The following VCPKMT variants were observed in gnomAD, a reference collection of about 807,000 sequenced individuals.
VCPKMT encodes protein N-lysine methyltransferase METTL21D.
Under a neutral mutation model 28.6 loss-of-function variants are expected in VCPKMT, and 32 were observed. The observed-to-expected ratio is 1.12, with a 90% CI of 0.84 to 1.50. The LOEUF is 1.50. Ranked by LOEUF, VCPKMT falls within the 40% of genes most tolerant of loss-of-function variation. The pLI is 0.00. For missense variants in VCPKMT, 366 were observed against 285.0 expected, an observed-to-expected ratio of 1.28 and a Z score of -2.05; for synonymous variants, 138 against 111.4, an observed-to-expected ratio of 1.24 and a Z score of -1.50.
In VCPKMT at chr14:50,111,220, A is replaced by C. The variant is rs915305616; in HGVS notation, c.675+1395T>G. On this transcript the variant is annotated intron_variant, in intron 5 of 5. Transcript: ENST00000395860. ...AAAGCCTCTATATTTAGGAAACACA[A>C]AATCTTTCTGCCTCCAAAAAATTCT... The C allele has an allele frequency of 3.3e-5, 33 of 985,242 alleles. No individual in the cohort carries two copies. The East Asian group carries it at 3.4e-3, about 102-fold the overall frequency. 61.0% of individuals were successfully genotyped at this position (985,242 alleles called of 1,614,324 possible). A position where few individuals can be genotyped will look rare whatever the true frequency, so the allele number is the denominator to read the frequency against.
chr14:50,107,497 A>C (rs1882370032), downstream of VCPKMT, among the ~76,000 whole-genome samples: 1 of 152,090 alleles, frequency 6.6e-6, no homozygotes, highest in Non-Finnish European at 1.5e-5. Context: ...TATTTTTAGT[A>C]GAGACAGGGT....
At chr14:50,115,160 T>G (rs1233857541) in intron 3 of VCPKMT, among the ~76,000 whole-genome samples, 2 of 80,070 alleles carry the variant, frequency 2.5e-5, no homozygotes, top group East Asian at 3.0e-4. Context: ...TTTTTTTTTT[T>G]TTTTTTTTTG....
Position 50,109,354 on chromosome 14 carries a change from C to T in VCPKMT, c.*345G>A. On this transcript the variant is annotated 3_prime_UTR_variant, in exon 6 of 6. Coordinates refer to ENST00000395860, the MANE Select transcript of VCPKMT (RefSeq NM_024558.3). ...CTCTTCAGAAATTTATCTCTAGCTTCCTGTAAAAGGTCCAGTCAAATCATG... is the reference window on the plus strand; with the variant it reads ...CTCTTCAGAAATTTATCTCTAGCTTTCTGTAAAAGGTCCAGTCAAATCATG... The T allele has an allele frequency of 3.8e-6, 4 of 1,051,400 alleles. No homozygotes were observed. The highest frequency in any genetic ancestry group is 4.6e-6 in the Non-Finnish European group (4 of 874,078). 65.1% of individuals were successfully genotyped at this position (1,051,400 alleles called of 1,614,324 possible). A position where few individuals can be genotyped will look rare whatever the true frequency, so the allele number is the denominator to read the frequency against.
chr14:50,109,441 T>C lies in VCPKMT; in HGVS notation c.*258A>G. Reference sequence around the variant, plus strand: ...ACCAATTTTTATTTGAATAACTGATTCCCAACATTTAAGAAGAACTTGATG... The same window carrying C: ...ACCAATTTTTATTTGAATAACTGATCCCCAACATTTAAGAAGAACTTGATG... On this transcript the variant is annotated 3_prime_UTR_variant, in exon 6 of 6. Coordinates refer to ENST00000395860, the MANE Select transcript of VCPKMT (RefSeq NM_024558.3). The C allele has an allele frequency of 8.3e-7, 1 of 1,201,406 alleles. No homozygotes were observed. The allele number at this position is 1,201,406 out of a possible 1,614,324, so 74.4% of individuals were successfully genotyped here.
At position 50,109,666 on chromosome 14, in the gene VCPKMT, T is replaced by C; in HGVS notation, c.*33A>G. On this transcript the variant is annotated 3_prime_UTR_variant, in exon 6 of 6. Coordinates refer to ENST00000395860, the MANE Select transcript of VCPKMT (RefSeq NM_024558.3). ...TATTCACATCTTTAGTTTACCCAGG[T>C]TGTTAGAGCCTTGGGTAAGATGATT... 2.5e-6 allele frequency: 4 copies of C among 1,591,934 alleles called. No homozygotes were observed. Among genetic ancestry groups the C allele is most frequent in the Non-Finnish European group, 3.4e-6 (4 of 1,171,092 alleles).
At chr14:50,105,054 C>T (rs891457966), downstream of VCPKMT, among the ~76,000 whole-genome samples, 2 of 151,778 alleles carry the variant, frequency 1.3e-5, no homozygotes, top group African/African-American at 4.8e-5. Flanking sequence ...AATCTAATTT[C>T]GTTCACCTTT....
the VCPKMT span, among the ~76,000 whole-genome samples, chr14:50,103,041 GA>G: frequency 6.6e-6 from 1 of 152,188 alleles, no homozygotes; most frequent in Non-Finnish European, 1.5e-5. Context: ...AACATTATAA[GA>G]TTTTTTTGCA....
intron 5 of VCPKMT, among the ~76,000 whole-genome samples, chr14:50,110,534 G>T (rs1363364687): frequency 6.6e-6 from 1 of 152,176 alleles, no homozygotes; most frequent in South Asian, 2.1e-4. Context: ...AGTGAGATGG[G>T]TATAATTAAC....
intron 3 of VCPKMT, among the ~76,000 whole-genome samples, chr14:50,115,442 C>T (rs1159933163): frequency 1.3e-5 from 2 of 152,092 alleles, no homozygotes; most frequent in Non-Finnish European, 2.9e-5. Context: ...TGAGCCACCG[C>T]GCCCGGCCCA....
At chr14:50,111,442 C>T (rs1039797959) in intron 5 of VCPKMT, 11 of 985,298 alleles carry the variant, frequency 1.1e-5, no homozygotes, top group African/African-American at 8.7e-5. Context: ...TTCATATAAT[C>T]AGAAAACTTT....
At chr14:50,108,191 CAAAAAAAAA>C (rs11455635), downstream of VCPKMT, among the ~76,000 whole-genome samples, 2 of 107,088 alleles carry the variant, frequency 1.9e-5, no homozygotes, top group East Asian at 5.3e-4. Flanking sequence ...AACCCTGTCT[CAAAAAAAAA>C]AAAAAAAAAA....
downstream of VCPKMT, among the ~76,000 whole-genome samples, chr14:50,104,120 C>G (rs1882243473): frequency 3.3e-5 from 5 of 152,222 alleles, no homozygotes; most frequent in South Asian, 8.3e-4. Context: ...AATCTGGTCT[C>G]AGAGCCTCTG....
chr14:50,113,954 G>A (rs985656554), intron 4 of VCPKMT, among the ~76,000 whole-genome samples: 2 of 139,810 alleles, frequency 1.4e-5, no homozygotes, highest in Non-Finnish European at 3.3e-5. Context: ...TTTCTATCAC[G>A]TATTCTCCAA....
intron 5 of VCPKMT, chr14:50,112,045 T>G: frequency 1.0e-6 from 1 of 985,146 alleles, no homozygotes; most frequent in Non-Finnish European, 1.2e-6. Flanking sequence ...TTGAGTGCAT[T>G]TATCTTTTAT....
chr14:50,107,235 A>T (rs1882357432), downstream of VCPKMT, among the ~76,000 whole-genome samples: 1 of 152,200 alleles, frequency 6.6e-6, no homozygotes, highest in Non-Finnish European at 1.5e-5. Flanking sequence ...CCTAACCATC[A>T]GTGGTCGAAT....
At chr14:50,115,143 ATG>A (rs1243908470) in intron 3 of VCPKMT, among the ~76,000 whole-genome samples, 3 of 120,226 alleles carry the variant, frequency 2.5e-5, no homozygotes, top group African/African-American at 9.7e-5. Flanking sequence ...ATACAAACTG[ATG>A]TTTTTTTTTT....
downstream of VCPKMT, chr14:50,108,572 G>T (rs992818115): frequency 2.0e-6 from 2 of 979,416 alleles, no homozygotes; most frequent in East Asian, 2.3e-4. Context: ...GGCTGCTTTT[G>T]CTCCTGTTAA....
chr14:50,116,486 G>T lies in VCPKMT; in HGVS notation c.67C>A (p.Arg23=). The change falls in exon 1 of 6, where the codon CGG becomes AGG. Residue 23 remains arginine, a synonymous_variant. Transcript: ENST00000395860. ...LRSFVRVLEK[R]DGTVLRLQQY... ...TGTAGTCGTAGCACTGTACCATCCC[G>T]CTTCTCCAAAACTCGCACAAAGCTC... 1.2e-6 allele frequency: 2 copies of T among 1,613,886 alleles called. No individual in the cohort carries two copies. Among genetic ancestry groups the T allele is most frequent in the Middle Eastern group, 1.6e-4 (1 of 6,062 alleles).
At chr14:50,113,235 T>C (rs961226117) in intron 4 of VCPKMT, 10 of 152,248 alleles carry the variant, frequency 6.6e-5, no homozygotes, top group African/African-American at 2.2e-4. Flanking sequence ...TACATATGCA[T>C]TTTACATATG....
Sources: gnomAD v4.1 joint callset for allele counts (sites outside exome capture counted in the v4.1 genomes callset) on GRCh38, gnomAD v4.1.1 for gene constraint, MANE v1.5 for transcripts, NCBI Gene and HGNC (gene_info 2026-07-23, HGNC 2026-07-21) for gene names.